PPFIBP2: variants seen among roughly 807,000 people sequenced by gnomAD.
PPFIBP2 encodes PPFIB scaffold protein 2, also known as liprin-beta-2.
A neutral mutation model predicts 118.3 loss-of-function variants in PPFIBP2; 118 were observed. The ratio of observed to expected loss-of-function variants is 1.00; its 90% CI spans 0.86 to 1.16. PPFIBP2 has a LOEUF of 1.16. Ranked by LOEUF, PPFIBP2 falls within the 50% of genes most tolerant of loss-of-function variation. The probability of loss-of-function intolerance (pLI) is 0.00; values close to 1 mark genes in which losing one functional copy is unlikely to be tolerated. For synonymous variants in PPFIBP2, 414 were observed against 397.4 expected (o/e 1.04, Z -0.50); for missense variants, 1,195 against 1,073.1 (o/e 1.11, Z -1.59).
chr11:7,597,541 G>C lies in PPFIBP2; in HGVS notation c.373-19G>C, dbSNP rs745660764. The C allele has an allele frequency of 6.2e-7, 1 of 1,607,468 alleles. No individual in the cohort carries two copies. Among genetic ancestry groups the C allele is most frequent in the Non-Finnish European group, 8.5e-7 (1 of 1,175,278 alleles). On this transcript the variant is annotated intron_variant, in intron 4 of 23. Coordinates refer to ENST00000299492, the MANE Select transcript of PPFIBP2 (RefSeq NM_003621.5). The stretch of plus-strand genomic sequence containing the variant: ...GTCAAATCCCTGGTCCTCCACCATT[G>C]CTTTATTTCCTGGAACAGGTGAGTG...
At chr11:7,544,629 C>T (rs889691364) in intron 1 of PPFIBP2, among the ~76,000 whole-genome samples, 22 of 151,922 alleles carry the variant, frequency 1.4e-4, no homozygotes, top group African/African-American at 5.3e-4. Context: ...AGAAAATTAG[C>T]CAGGCGTGGT....
chr11:7,656,910 G>C (rs141533515), downstream of PPFIBP2: 3 of 797,056 alleles, frequency 3.8e-6, no homozygotes, highest in Admixed American at 2.4e-5. Context: ...GGCTGGCAGG[G>C]TGTCTCAGAC....
At chr11:7,580,935 C>T (rs536399996) in intron 3 of PPFIBP2, among the ~76,000 whole-genome samples, 1 of 152,266 alleles carries the variant, frequency 6.6e-6, no homozygotes, top group African/African-American at 2.4e-5. Flanking sequence ...CCTCTCAGGC[C>T]ATTCAGTGCT....
At chr11:7,623,481 G>T (rs1808416793) in intron 7 of PPFIBP2, among the ~76,000 whole-genome samples, 2 of 152,214 alleles carry the variant, frequency 1.3e-5, no homozygotes, top group Admixed American at 6.5e-5. Context: ...ATCGCTCAAA[G>T]GATAACAGAG....
intron 1 of PPFIBP2, among the ~76,000 whole-genome samples, chr11:7,525,687 C>A (rs1850171663): frequency 6.6e-6 from 1 of 152,204 alleles, no homozygotes; most frequent in Non-Finnish European, 1.5e-5. Flanking sequence ...AAAGTCCTGC[C>A]CTTAGGCCCT....
intron 12 of PPFIBP2, among the ~76,000 whole-genome samples, chr11:7,633,788 C>T (rs971677022): frequency 1.4e-4 from 22 of 152,346 alleles, no homozygotes; most frequent in African/African-American, 5.3e-4. Flanking sequence ...GAAAGGTCAA[C>T]ACCAAGGAAC....
intron 3 of PPFIBP2, among the ~76,000 whole-genome samples, chr11:7,581,573 G>A (rs1052074854): frequency 2.0e-5 from 3 of 152,154 alleles, no homozygotes; most frequent in Non-Finnish European, 4.4e-5. Flanking sequence ...TGGGCCAGAA[G>A]AGCTGCAAAG....
chr11:7,552,750 G>A (rs533666832), intron 2 of PPFIBP2, among the ~76,000 whole-genome samples: 1 of 152,160 alleles, frequency 6.6e-6, no homozygotes, highest in East Asian at 1.9e-4. Context: ...TTAACCATGA[G>A]CTTGCCCCCC....
intron 4 of PPFIBP2, chr11:7,597,164 T>C (rs1860481936): frequency 6.9e-7 from 1 of 1,455,530 alleles, no homozygotes; most frequent in Non-Finnish European, 9.0e-7. Context: ...TCCATGAAGT[T>C]TGGACCGCTC....
intron 2 of PPFIBP2, among the ~76,000 whole-genome samples, chr11:7,553,711 C>T (rs549483938): frequency 8.1e-4 from 124 of 152,280 alleles, no homozygotes; most frequent in African/African-American, 2.9e-3. Context: ...GCAGATAAGG[C>T]ACCTAGAAAG....
Position 7,648,843 on chromosome 11 carries a change from T to C in PPFIBP2, c.1841T>C (p.Leu614Ser). The C allele has an allele frequency of 2.5e-6, 4 of 1,614,182 alleles. No homozygotes were observed. The highest frequency in any genetic ancestry group is 1.1e-5 in the South Asian group (1 of 91,084). ...KHPLHRKKLV[L>S]AVKAINTKQE... ...CCACTCCACAGGAAGAAGCTTGTTT[T>C]AGCAGTGAAAGCCATCAACACCAAA... The change falls in exon 19 of 24, where the codon TTA becomes TCA. Residue 614 changes from leucine (L) to serine (S), a missense_variant. Coordinates refer to ENST00000299492, the MANE Select transcript of PPFIBP2 (RefSeq NM_003621.5).
intron 4 of PPFIBP2, 55 bp downstream of exon 4, chr11:7,593,279 TC>T: frequency 6.3e-7 from 1 of 1,585,390 alleles, no homozygotes; most frequent in South Asian, 1.2e-5. Flanking sequence ...CTATGTAGCT[TC>T]CCCTAAGTGG....
chr11:7,538,746 C>T (rs530542103), intron 1 of PPFIBP2, among the ~76,000 whole-genome samples: 13 of 152,190 alleles, frequency 8.5e-5, no homozygotes, highest in Non-Finnish European at 1.8e-4. Flanking sequence ...ATAAAACTCA[C>T]TAACCTGGTA....
rs75452347 is a variant in PPFIBP2, at chr11:7,622,279, A to G, written c.711+1252A>G. 3.2e-3 allele frequency among the ~76,000 whole-genome samples: 480 copies of G among 152,356 alleles called. 3 individuals are homozygous for G. Among genetic ancestry groups the G allele is most frequent in the Non-Finnish European group, 5.1e-3 (348 of 68,038 alleles). ...TCGTGAGAACTCACTCACAGTTGCG[A>G]GGACAGCACCAAGAGGGTGGTGCCA... On this transcript the variant is annotated intron_variant, in intron 7 of 23. Coordinates refer to ENST00000299492, the MANE Select transcript of PPFIBP2 (RefSeq NM_003621.5).
At chr11:7,640,833 C>T (rs1852078656) in intron 15 of PPFIBP2, among the ~76,000 whole-genome samples, 3 of 152,202 alleles carry the variant, frequency 2.0e-5, no homozygotes, top group Admixed American at 2.0e-4. Context: ...TTGGTCCCCT[C>T]ACATGAAACC....
At chr11:7,594,224 C>T (rs1053564799) in intron 4 of PPFIBP2, among the ~76,000 whole-genome samples, 1 of 151,976 alleles carries the variant, frequency 6.6e-6, no homozygotes, top group Non-Finnish European at 1.5e-5. Flanking sequence ...CTTTAAAATT[C>T]TAAAAATGTG....
At chr11:7,575,120 T>G (rs1224322156) in intron 3 of PPFIBP2, among the ~76,000 whole-genome samples, 1 of 152,178 alleles carries the variant, frequency 6.6e-6, no homozygotes, top group Non-Finnish European at 1.5e-5. Flanking sequence ...GACCTTCAAG[T>G]CTCTTTCCTT....
intron 22 of PPFIBP2, chr11:7,651,407 C>T: frequency 2.2e-6 from 1 of 445,414 alleles, no homozygotes; most frequent in Non-Finnish European, 4.0e-6. Context: ...GAGAGACAGC[C>T]TCACCAAAGA....
At chr11:7,617,012 C>A in intron 6 of PPFIBP2, 1 of 547,148 alleles carries the variant, frequency 1.8e-6, no homozygotes, top group Non-Finnish European at 2.3e-6. Flanking sequence ...CTGCTCCCTG[C>A]CCCATGCACA....
Sources: gnomAD v4.1 joint callset for allele counts (sites outside exome capture counted in the v4.1 genomes callset) on GRCh38, gnomAD v4.1.1 for gene constraint, MANE v1.5 for transcripts, NCBI Gene and HGNC (gene_info 2026-07-23, HGNC 2026-07-21) for gene names.